EPB41: variants seen among roughly 807,000 people sequenced by gnomAD.
EPB41 encodes protein 4.1.
Under a neutral mutation model 108.0 loss-of-function variants are expected in EPB41, and 65 were observed. The observed-to-expected ratio is 0.60, with a 90% CI of 0.49 to 0.74. The LOEUF (loss-of-function observed/expected upper bound fraction) is 0.74. Ranked by LOEUF, EPB41 falls within the 30% of genes least tolerant of loss-of-function variation. EPB41 has a pLI of 0.00. For synonymous variants in EPB41, 336 were observed against 358.9 expected (o/e 0.94, Z 0.72); for missense variants, 875 against 1,037.0 (o/e 0.84, Z 2.15).
At chr1:29,023,828 T>C (rs1463889036) in intron 7 of EPB41, among the ~76,000 whole-genome samples, 1 of 152,000 alleles carries the variant, frequency 6.6e-6, no homozygotes, top group Non-Finnish European at 1.5e-5. Context: ...AGTTAAAATC[T>C]TGGGCTCTGG....
chr1:29,054,202 A>T (rs1271974924), intron 12 of EPB41: 1 of 152,180 alleles, frequency 6.6e-6, no homozygotes, highest in Non-Finnish European at 1.5e-5. Context: ...TCACCAATTT[A>T]ATTAGCAGAT....
intron 16 of EPB41, among the ~76,000 whole-genome samples, chr1:29,091,208 C>T (rs185167987): frequency 2.6e-5 from 4 of 152,260 alleles, no homozygotes; most frequent in East Asian, 3.9e-4. Flanking sequence ...ATCACTTGAA[C>T]AAACTGGCAC....
At chr1:29,101,179 G>A (rs1448407691) in intron 17 of EPB41, among the ~76,000 whole-genome samples, 1 of 147,838 alleles carries the variant, frequency 6.8e-6, no homozygotes, top group African/African-American at 2.5e-5. Context: ...AGCCAACATG[G>A]CGCCATTGCA....
chr1:29,047,805 T>C (rs1414278369), intron 11 of EPB41, among the ~76,000 whole-genome samples: 1 of 138,704 alleles, frequency 7.2e-6, no homozygotes, highest in African/African-American at 2.7e-5. Flanking sequence ...TATTTATTTT[T>C]GAGGTGGAGT....
chr1:28,900,021 A>G (rs2091109866), intron 1 of EPB41, among the ~76,000 whole-genome samples: 1 of 152,228 alleles, frequency 6.6e-6, no homozygotes, highest in African/African-American at 2.4e-5. Flanking sequence ...ATTTGTATGA[A>G]GTACTCAGTC....
chr1:29,112,398 A>G lies in EPB41; in HGVS notation c.2446A>G (p.Ile816Val). The change falls in exon 19 of 21, where the codon ATT becomes GTT. Residue 816 changes from isoleucine (I) to valine (V), a missense_variant. Ile to Val is a conservative substitution (Grantham distance 29). This residue lies in a region of EPB41 where 519 missense variants were observed against 627.3 expected (regional missense o/e 0.83). Coordinates refer to ENST00000343067, the MANE Select transcript of EPB41 (RefSeq NM_001376013.1). ...TVKGGISETR[I>V]EKRIVITGDA... ...AAAAGGTGGGATTTCAGAGACACGT[A>G]TTGAAAAGAGAATTGTGATCACAGG... The G allele has an allele frequency of 6.2e-7, 1 of 1,613,878 alleles. No individual in the cohort carries two copies. The highest frequency in any genetic ancestry group is 8.5e-7 in the Non-Finnish European group (1 of 1,179,930).
At chr1:28,978,715 C>T (rs1027472337) in intron 1 of EPB41, among the ~76,000 whole-genome samples, 7 of 151,242 alleles carry the variant, frequency 4.6e-5, no homozygotes, top group South Asian at 2.1e-4. Context: ...CTGGGGGGCC[C>T]GGAAAGAACA....
At chr1:28,994,286 C>T (rs2096105014) in intron 3 of EPB41, among the ~76,000 whole-genome samples, 1 of 152,078 alleles carries the variant, frequency 6.6e-6, no homozygotes, top group South Asian at 2.1e-4. Flanking sequence ...ATTCTCCTGC[C>T]TCAGCCTCCA....
At chr1:28,927,768 T>C (rs1171466276) in intron 1 of EPB41, among the ~76,000 whole-genome samples, 1 of 152,110 alleles carries the variant, frequency 6.6e-6, no homozygotes, top group Non-Finnish European at 1.5e-5. Context: ...CCAGTAAGGA[T>C]ATGGGATTTG....
At chr1:29,035,493 A>T (rs558085631) in intron 9 of EPB41, among the ~76,000 whole-genome samples, 1 of 152,174 alleles carries the variant, frequency 6.6e-6, no homozygotes, top group African/African-American at 2.4e-5. Flanking sequence ...GCAGATAGTG[A>T]CTAAGGAAAA....
chr1:29,015,794 A>T, intron 6 of EPB41, 27 bp downstream of exon 6: 1 of 1,389,250 alleles, frequency 7.2e-7, no homozygotes, highest in Non-Finnish European at 1.0e-6. Flanking sequence ...TAAATATGTA[A>T]TTTATCATAT....
In EPB41 at chr1:28,902,281, G is replaced by C. The variant is rs1042939331; in HGVS notation, c.-8+15071G>C. On this transcript the variant is annotated intron_variant, in intron 1 of 16. Coordinates refer to the EPB41 transcript ENST00000347529. Reference sequence around the variant, plus strand: ...TCTGATATTTTCTGCCAGGGCATCAGTTTCAATTGGAGTGCCCAAATCTTT... The same window carrying C: ...TCTGATATTTTCTGCCAGGGCATCACTTTCAATTGGAGTGCCCAAATCTTT... The C allele has an allele frequency of 5.1e-6, 5 of 985,318 alleles. No homozygotes were observed. In the South Asian group the frequency reaches 2.3e-4, roughly 46 times the overall value. 61.0% of individuals were successfully genotyped at this position (985,318 alleles called of 1,614,324 possible). A position where few individuals can be genotyped will look rare whatever the true frequency, so the allele number is the denominator to read the frequency against.
chr1:28,964,743 C>T (rs911739512), intron 1 of EPB41, among the ~76,000 whole-genome samples: 1 of 152,210 alleles, frequency 6.6e-6, no homozygotes, highest in African/African-American at 2.4e-5. Flanking sequence ...CTGGTCTCAA[C>T]CCAGTCTCAA....
intron 1 of EPB41, among the ~76,000 whole-genome samples, chr1:28,908,938 G>A (rs1051695653): frequency 6.6e-6 from 1 of 151,514 alleles, no homozygotes. Context: ...CGAGGCAGGC[G>A]GATCACCAGA....
intron 16 of EPB41, chr1:29,071,529 A>G (rs954386009): frequency 6.6e-6 from 1 of 152,190 alleles, no homozygotes; most frequent in Non-Finnish European, 1.5e-5. Flanking sequence ...ATATATTGAT[A>G]TACTTTGTTT....
Position 28,987,848 on chromosome 1 carries a change from G to A in EPB41, c.411G>A (p.Pro137=), listed in dbSNP as rs368670866. Residue 137 remains proline, a synonymous_variant, in exon 2 of 21, where the codon CCG becomes CCA. Coordinates refer to ENST00000343067, the MANE Select transcript of EPB41 (RefSeq NM_001376013.1). The part of the protein sequence containing the change: ...ILKAPIAAPE[P]ELKTDPSLDL... ...AGGCCCCAATTGCAGCTCCTGAACC[G>A]GAACTCAAAACAGACCCATCTTTGG... 9.9e-6 allele frequency: 16 copies of A among 1,614,062 alleles called. No homozygotes were observed. Among genetic ancestry groups the A allele is most frequent in the Admixed American group, 1.7e-5 (1 of 59,996 alleles).
chr1:28,945,323 C>T (rs1004912298), intron 1 of EPB41, among the ~76,000 whole-genome samples: 1 of 152,080 alleles, frequency 6.6e-6, no homozygotes, highest in South Asian at 2.1e-4. Flanking sequence ...TGACATAATT[C>T]TCCTCCTTTT....
intron 1 of EPB41, among the ~76,000 whole-genome samples, chr1:28,970,745 A>G (rs566850039): frequency 1.3e-4 from 20 of 152,358 alleles, no homozygotes; most frequent in African/African-American, 3.8e-4. Flanking sequence ...ATATAATGGA[A>G]ACTTTAGGCT....
intron 17 of EPB41, among the ~76,000 whole-genome samples, chr1:29,101,157 G>A (rs943997642): frequency 4.0e-4 from 60 of 151,856 alleles, no homozygotes; most frequent in African/African-American, 1.4e-3. Context: ...CCGGGAGGTG[G>A]AGGTTGCAGT....
Sources: allele counts gnomAD v4.1 joint callset (sites outside exome capture counted in the v4.1 genomes callset), GRCh38; gene constraint gnomAD v4.1.1; regional missense constraint gnomAD v4.1.1; transcripts MANE v1.5; gene names NCBI Gene and HGNC (gene_info 2026-07-23, HGNC 2026-07-21).